Variants in DPY19L1 observed in about 807,000 individuals in gnomAD.
The protein encoded by DPY19L1 is dpy-19 like C-mannosyltransferase 1, also known as protein C-mannosyl-transferase DPY19L1.
Under a neutral mutation model 96.9 loss-of-function variants are expected in DPY19L1, and 35 were observed. The observed-to-expected ratio is 0.36, with a 90% CI of 0.28 to 0.48. The LOEUF (loss-of-function observed/expected upper bound fraction) is 0.48. DPY19L1 is among the 20% of genes least tolerant of loss of function. DPY19L1 has a pLI of 0.99. For synonymous variants in DPY19L1, 205 were observed against 252.6 expected (o/e 0.81, Z 1.79); for missense variants, 521 against 777.9 (o/e 0.67, Z 3.93).
upstream of DPY19L1, chr7:35,037,840 T>C: frequency 8.1e-7 from 1 of 1,231,940 alleles, no homozygotes; most frequent in Non-Finnish European, 1.0e-6. Flanking sequence ...CGCGCGGGGC[T>C]CGGCCGGTGC....
At chr7:34,942,409 A>G (rs1584203194) in intron 17 of DPY19L1, among the ~76,000 whole-genome samples, 1 of 152,242 alleles carries the variant, frequency 6.6e-6, no homozygotes, top group East Asian at 1.9e-4. Context: ...AGATGATCAG[A>G]GCAGAACATA....
chr7:34,977,123 C>CT (rs1430989575), intron 7 of DPY19L1, among the ~76,000 whole-genome samples: 1 of 152,096 alleles, frequency 6.6e-6, no homozygotes, highest in Non-Finnish European at 1.5e-5. Context: ...CTATTTCACA[C>CT]TTAATAGACT....
intron 21 of DPY19L1, 139 bp from the exon 22 acceptor site, chr7:34,931,868 G>A: frequency 7.7e-7 from 1 of 1,291,746 alleles, no homozygotes; most frequent in Admixed American, 3.3e-5. Flanking sequence ...CTGTTACATA[G>A]CTATTTATGT....
chr7:35,035,320 T>C (rs1236718422), intron 1 of DPY19L1, among the ~76,000 whole-genome samples: 2 of 152,320 alleles, frequency 1.3e-5, no homozygotes, highest in South Asian at 4.1e-4. Context: ...ACTGTTACAT[T>C]AATACAAAAC....
chr7:35,029,723 G>C (rs1195527056), intron 1 of DPY19L1, among the ~76,000 whole-genome samples: 1 of 152,080 alleles, frequency 6.6e-6, no homozygotes, highest in Non-Finnish European at 1.5e-5. Context: ...TGACCATAAA[G>C]ATATAAAAGA....
At chr7:34,990,468 A>C (rs1417465821) in intron 6 of DPY19L1, among the ~76,000 whole-genome samples, 1 of 152,232 alleles carries the variant, frequency 6.6e-6, no homozygotes, top group African/African-American at 2.4e-5. Context: ...TATTTCCCAA[A>C]TCCCATCCCC....
chr7:34,985,010 ACTTT>A (rs1442654068), intron 7 of DPY19L1, among the ~76,000 whole-genome samples: 3 of 152,162 alleles, frequency 2.0e-5, no homozygotes, highest in Admixed American at 2.0e-4. Context: ...GGAAGAAGGG[ACTTT>A]CTTTCTTACC....
intron 8 of DPY19L1, among the ~76,000 whole-genome samples, chr7:34,972,368 C>T (rs1446477126): frequency 6.6e-6 from 1 of 152,196 alleles, no homozygotes; most frequent in African/African-American, 2.4e-5. Context: ...GGAAGCAGCG[C>T]TCAGTCCCCG....
At chr7:34,991,283 G>T (rs185153938) in intron 6 of DPY19L1, among the ~76,000 whole-genome samples, 216 of 152,350 alleles carry the variant, frequency 1.4e-3, no homozygotes, top group African/African-American at 5.0e-3. Context: ...AACTGAGGCT[G>T]CAGAACACAA....
In DPY19L1 at chr7:35,013,681, T is replaced by C. The variant is rs2128678769; in HGVS notation, c.436A>G (p.Thr146Ala). 6.2e-7 allele frequency: 1 copy of C among 1,603,466 alleles called. No individual in the cohort carries two copies. Among genetic ancestry groups the C allele is most frequent in the Admixed American group, 1.7e-5 (1 of 59,270 alleles). Reference protein sequence around the residue: ...EMGLYYSYFKTIVEAPSFLNG... With the variant: ...EMGLYYSYFKAIVEAPSFLNG... ...AAAAATGAGGGTGCTTCCACAATAG[T>C]CTTGAAATAGGAATAATATAGTCCC... The change falls in exon 4 of 22, where the codon ACT (threonine) becomes GCT (alanine). Residue 146 changes from threonine to alanine, a missense_variant. Transcript: ENST00000638088.
intron 16 of DPY19L1, among the ~76,000 whole-genome samples, chr7:34,943,208 AT>A: frequency 6.6e-6 from 1 of 152,204 alleles, no homozygotes; most frequent in Non-Finnish European, 1.5e-5. Flanking sequence ...TAATTTGAGA[AT>A]CTAGCCTCAA....
Position 35,018,612 on chromosome 7 carries a change from A to T in DPY19L1, c.299-16T>A. 6.2e-7 allele frequency: 1 copy of T among 1,605,396 alleles called. No homozygotes were observed. The highest frequency in any genetic ancestry group is 8.5e-7 in the Non-Finnish European group (1 of 1,175,572). On this transcript the variant is annotated splice_polypyrimidine_tract_variant and intron_variant, in intron 1 of 21. Transcript: ENST00000638088. ...GCAAAAACAGCTGTAAGAAAAAAGA[A>T]ATTTAAATTAGAATTTTAGCATAAA...
At position 34,997,378 on chromosome 7, in the gene DPY19L1, G is replaced by A. The variant is rs1228113672; in HGVS notation, c.765-7437C>T. On this transcript the variant is annotated intron_variant, in intron 6 of 21. Transcript: ENST00000638088. ...GAGGCCGAGGCGGGCGGATCACAAC[G>A]TCAGGAGATCAAGATCATCCTGGCT... Among the ~76,000 whole-genome samples the A allele has an allele frequency of 4.3e-5, 6 of 140,534 alleles. No individual in the cohort carries two copies. The East Asian group carries it at 6.2e-4, about 14-fold the overall frequency. 92.2% of individuals were successfully genotyped at this position (140,534 alleles called of 152,430 possible).
intron 9 of DPY19L1, 86 bp from the exon 10 acceptor site, chr7:34,967,057 AT>A: frequency 2.0e-6 from 2 of 993,776 alleles, no homozygotes; most frequent in Non-Finnish European, 2.8e-6. Context: ...GTTTCAACTG[AT>A]TTATATCTAC....
chr7:34,980,932 A>G (rs1254686062), intron 7 of DPY19L1, among the ~76,000 whole-genome samples: 1 of 152,234 alleles, frequency 6.6e-6, no homozygotes, highest in Non-Finnish European at 1.5e-5. Flanking sequence ...GGCATAAGAA[A>G]GTATGATTCC....
intron 5 of DPY19L1, among the ~76,000 whole-genome samples, chr7:35,010,828 T>G (rs573658335): frequency 1.4e-4 from 22 of 152,280 alleles, no homozygotes; most frequent in African/African-American, 5.3e-4. Context: ...TTTTTGAGTT[T>G]CATTGGGCTT....
rs749306951 is a variant in DPY19L1, at chr7:35,013,585, A to C, written c.532T>G (p.Phe178Val). Residue 178 changes from phenylalanine to valine, a missense_variant, in exon 4 of 22, where the codon TTC becomes GTC. Phe to Val is a conservative substitution (Grantham distance 50). Coordinates refer to ENST00000638088, the MANE Select transcript of DPY19L1 (RefSeq NM_001366673.1). ...YPLVINTLKRFNLYPEVILAS... is the reference protein window; with the variant it reads ...YPLVINTLKRVNLYPEVILAS... ...TACCTTACCTCAGGGTAAAGATTGA[A>C]TCTTTTTAATGTATTAATGACAAGG... 1 of 1,609,692 alleles carries C rather than the reference A, an allele frequency of 6.2e-7. No homozygotes were observed. The highest frequency in any genetic ancestry group is 8.5e-7 in the Non-Finnish European group (1 of 1,178,252).
intron 13 of DPY19L1, among the ~76,000 whole-genome samples, chr7:34,952,104 G>A (rs1185679570): frequency 2.4e-5 from 3 of 124,038 alleles, no homozygotes; most frequent in Non-Finnish European, 1.7e-5. Context: ...TTGCCAGAAA[G>A]TAGGAAAAAT....
intron 8 of DPY19L1, 141 bp downstream of exon 8, chr7:34,973,371 TAA>T: frequency 2.3e-6 from 1 of 441,834 alleles, no homozygotes; most frequent in Middle Eastern, 6.6e-4. Context: ...ATACTATTTT[TAA>T]GTTACACTCT....
Sources: gnomAD v4.1 joint callset for allele counts (sites outside exome capture counted in the v4.1 genomes callset) on GRCh38, gnomAD v4.1.1 for gene constraint, MANE v1.5 for transcripts, NCBI Gene and HGNC (gene_info 2026-07-23, HGNC 2026-07-21) for gene names.